Variants in STAC observed in about 807,000 individuals in gnomAD.
STAC encodes the protein SH3 and cysteine rich domain.
A neutral mutation model predicts 48.8 loss-of-function variants in STAC; 43 were observed. That is an observed-to-expected ratio of 0.88 (90% CI 0.69 to 1.14). STAC has a LOEUF of 1.14. Ranked by LOEUF, STAC falls within the 50% of genes most tolerant of loss-of-function variation. The pLI is 0.00. For missense variants in STAC, 497 were observed against 504.0 expected (o/e 0.99, Z 0.13); for synonymous variants, 193 against 179.5 (o/e 1.07, Z -0.60).
intron 2 of STAC, among the ~76,000 whole-genome samples, chr3:36,454,059 C>G (rs1009727296): frequency 6.6e-6 from 1 of 152,118 alleles, no homozygotes; most frequent in Non-Finnish European, 1.5e-5. Flanking sequence ...AAAACAGACC[C>G]TCTGGGCTCT....
At chr3:36,402,529 T>C (rs112099927) in intron 1 of STAC, among the ~76,000 whole-genome samples, 2 of 152,196 alleles carry the variant, frequency 1.3e-5, no homozygotes, top group African/African-American at 4.8e-5. Context: ...TGCTCAATGC[T>C]AAAGGCTCAA....
At chr3:36,528,501 A>G (rs924372047) in intron 8 of STAC, among the ~76,000 whole-genome samples, 195 bp from the exon 9 acceptor site, 7 of 152,100 alleles carry the variant, frequency 4.6e-5, no homozygotes, top group African/African-American at 1.7e-4. Context: ...TTTAAAATAC[A>G]GCATAAAATC....
chr3:36,539,827 T>C (rs1173402726), intron 10 of STAC, among the ~76,000 whole-genome samples: 1 of 152,180 alleles, frequency 6.6e-6, no homozygotes, highest in Non-Finnish European at 1.5e-5. Context: ...AATGTTTTAT[T>C]GTAATAGTCT....
intron 1 of STAC, among the ~76,000 whole-genome samples, chr3:36,401,274 T>C (rs73056102): frequency 0.023 from 3,557 of 152,236 alleles, 61 homozygotes; most frequent in East Asian, 0.026. Context: ...GGATTTCACA[T>C]TGAAGGACAC....
chr3:36,381,989 A>T (rs746325628), intron 1 of STAC, among the ~76,000 whole-genome samples: 3 of 152,228 alleles, frequency 2.0e-5, no homozygotes, highest in Non-Finnish European at 4.4e-5. Context: ...CATTGTGAGG[A>T]GTACATGAGA....
At chr3:36,502,408 A>G (rs537232649) in intron 6 of STAC, among the ~76,000 whole-genome samples, 3 of 152,318 alleles carry the variant, frequency 2.0e-5, no homozygotes, top group Admixed American at 6.5e-5. Flanking sequence ...GCAACCTTCC[A>G]TTTCTTCTTG....
chr3:36,509,689 G>GA (rs1170769140), intron 8 of STAC, among the ~76,000 whole-genome samples: 3 of 151,220 alleles, frequency 2.0e-5, no homozygotes, highest in Non-Finnish European at 4.4e-5. Flanking sequence ...CTGCTTGACT[G>GA]AAAAAAACAA....
At chr3:36,483,750 G>C (rs567801100) in intron 3 of STAC, among the ~76,000 whole-genome samples, 4 of 152,108 alleles carry the variant, frequency 2.6e-5, no homozygotes, top group East Asian at 3.9e-4. Flanking sequence ...CCAGGAGTTC[G>C]AGACCAGCCT....
chr3:36,437,957 T>TATG (rs1054932964), intron 1 of STAC, among the ~76,000 whole-genome samples: 5 of 148,990 alleles, frequency 3.4e-5, no homozygotes, highest in African/African-American at 1.2e-4. Context: ...TTATTATTAT[T>TATG]ATTATTATTT....
intron 8 of STAC, chr3:36,506,205 A>G (rs1698400150): frequency 6.1e-6 from 1 of 162,878 alleles, no homozygotes; most frequent in African/African-American, 2.4e-5. Context: ...CCTAATAGGG[A>G]ATCAAAAAAT....
At chr3:36,540,052 G>A (rs185040543) in intron 10 of STAC, among the ~76,000 whole-genome samples, 115 of 152,242 alleles carry the variant, frequency 7.6e-4, no homozygotes, top group Non-Finnish European at 1.1e-3. Flanking sequence ...GAGGGCCAGC[G>A]TCAGAGAAGG....
Position 36,458,456 on chromosome 3 carries a change from T to G in STAC, c.388+14816T>G, listed in dbSNP as rs982595271. Among the ~76,000 whole-genome samples the G allele has an allele frequency of 3.9e-5, 6 of 152,282 alleles. No individual in the cohort carries two copies. In the South Asian group the frequency reaches 1.0e-3, roughly 26 times the overall value. On this transcript the variant is annotated intron_variant, in intron 2 of 10. Transcript: ENST00000273183. ...TAATCTAGGTCTCCCGTTGGGATGA[T>G]GAGAAAGAGGGCATTTGTAAGCCCT...
At chr3:36,411,686 GT>G (rs1290234548) in intron 1 of STAC, among the ~76,000 whole-genome samples, 1 of 152,192 alleles carries the variant, frequency 6.6e-6, no homozygotes, top group Non-Finnish European at 1.5e-5. Context: ...AGGTCCCCAG[GT>G]TGTAGGTCCC....
At chr3:36,483,774 T>G (rs1301599565) in intron 3 of STAC, among the ~76,000 whole-genome samples, 2 of 152,162 alleles carry the variant, frequency 1.3e-5, no homozygotes, top group African/African-American at 4.8e-5. Flanking sequence ...CAACATGGCA[T>G]GACCCTGTCT....
chr3:36,456,561 C>G (rs1200202564), intron 2 of STAC, among the ~76,000 whole-genome samples: 1 of 152,108 alleles, frequency 6.6e-6, no homozygotes, highest in Non-Finnish European at 1.5e-5. Context: ...CTGTGGGCCT[C>G]CCTGCTGTCT....
intron 2 of STAC, among the ~76,000 whole-genome samples, chr3:36,481,706 C>T (rs772008640): frequency 1.3e-5 from 2 of 152,206 alleles, no homozygotes; most frequent in Non-Finnish European, 2.9e-5. Context: ...GTTGGACTCA[C>T]CAACCCTTTT....
intron 1 of STAC, among the ~76,000 whole-genome samples, chr3:36,422,548 C>T (rs1700473146): frequency 6.6e-6 from 1 of 151,968 alleles, no homozygotes; most frequent in South Asian, 2.1e-4. Flanking sequence ...AAATATTCCA[C>T]AAAATGACAA....
chr3:36,506,200 T>C lies in STAC; in HGVS notation c.920+366T>C, dbSNP rs146229951. 249 of 165,912 alleles carry C rather than the reference T, an allele frequency of 1.5e-3. 2 individuals carry two copies. Among genetic ancestry groups the C allele is most frequent in the African/African-American group, 4.2e-3 (178 of 42,004 alleles). 10.3% of individuals were successfully genotyped at this position (165,912 alleles called of 1,614,324 possible). On this transcript the variant is annotated intron_variant, in intron 8 of 10. Transcript: ENST00000273183. Reference sequence around the variant, plus strand: ...GCACTTGGCATCTGGTGGGGCCTAATAGGGAATCAAAAAATATATTTAATC... The same window carrying C: ...GCACTTGGCATCTGGTGGGGCCTAACAGGGAATCAAAAAATATATTTAATC...
chr3:36,430,668 C>T (rs939702895), intron 1 of STAC, among the ~76,000 whole-genome samples: 2 of 152,218 alleles, frequency 1.3e-5, no homozygotes, highest in African/African-American at 4.8e-5. Flanking sequence ...GCTGCCATAA[C>T]AGAGTACCAC....
Sources: gnomAD v4.1 joint callset for allele counts (sites outside exome capture counted in the v4.1 genomes callset) on GRCh38, gnomAD v4.1.1 for gene constraint, MANE v1.5 for transcripts, NCBI Gene and HGNC (gene_info 2026-07-23, HGNC 2026-07-21) for gene names.